The following DMD variants were observed in gnomAD, a reference collection of about 807,000 sequenced individuals.
The protein encoded by DMD is dystrophin.
A neutral mutation model predicts 330.1 loss-of-function variants in DMD; 63 were observed. That is an observed-to-expected ratio of 0.19 (90% confidence interval 0.16 to 0.24). The LOEUF is 0.24. DMD is among the 10% of genes least tolerant of loss of function. The pLI, the probability that DMD is intolerant of heterozygous loss-of-function variation, is 1.00. For synonymous variants in DMD, 1,223 were observed against 959.8 expected (o/e 1.27, Z -5.07); for missense variants, 3,344 against 2,684.1 (o/e 1.25, Z -5.43).
chrX:31,813,826 T>C (rs1459307024), intron 50 of DMD, among the ~76,000 whole-genome samples: 1 of 111,503 alleles, frequency 9.0e-6, no homozygotes, highest in African/African-American at 3.3e-5. Flanking sequence ...CTTCATGGTT[T>C]ATAGGAAGGC....
intron 43 of DMD, among the ~76,000 whole-genome samples, chrX:32,284,399 C>T (rs778491302): frequency 8.9e-6 from 1 of 111,744 alleles, no homozygotes; most frequent in South Asian, 3.7e-4. Flanking sequence ...GACTGTGAAG[C>T]TCTTCAAAGC....
At chrX:32,783,148 CCATAT>C (rs2074983493) in intron 7 of DMD, among the ~76,000 whole-genome samples, 1 of 93,984 alleles carries the variant, frequency 1.1e-5, no homozygotes, top group African/African-American at 3.8e-5. Context: ...TATATATATA[CCATAT>C]ATATAGATAT....
chrX:32,475,368 AT>A (rs750604093), intron 21 of DMD, among the ~76,000 whole-genome samples: 8 of 109,688 alleles, frequency 7.3e-5, no homozygotes, highest in South Asian at 3.9e-4. Context: ...TAATTTTAGA[AT>A]TTTTTTTCTA....
chrX:31,382,491 C>T (rs890911170), intron 60 of DMD, among the ~76,000 whole-genome samples: 5 of 111,674 alleles, frequency 4.5e-5, no homozygotes, highest in Non-Finnish European at 9.4e-5. Flanking sequence ...TGGTGCTATC[C>T]CCAAACCACC....
intron 11 of DMD, among the ~76,000 whole-genome samples, chrX:32,627,550 G>A (rs1602294052): frequency 9.0e-6 from 1 of 110,662 alleles, no homozygotes; most frequent in African/African-American, 3.3e-5. Flanking sequence ...ATTTACAGGT[G>A]GGGAAACAAA....
At chrX:32,796,791 C>T (rs1260707109) in intron 7 of DMD, among the ~76,000 whole-genome samples, 1 of 111,727 alleles carries the variant, frequency 9.0e-6, no homozygotes, top group African/African-American at 3.3e-5. Context: ...TAGCTTATTG[C>T]TTTAAAATAA....
chrX:31,656,358 T>C (rs781040567), intron 54 of DMD, among the ~76,000 whole-genome samples: 1 of 112,004 alleles, frequency 8.9e-6, no homozygotes. Flanking sequence ...AACAATTTTT[T>C]AAAAAACTGA....
chrX:31,354,044 T>C (rs1569531593), intron 60 of DMD, among the ~76,000 whole-genome samples: 1 of 112,118 alleles, frequency 8.9e-6, no homozygotes, highest in East Asian at 2.8e-4. Flanking sequence ...GGGTCTATTC[T>C]TCAGAACTAT....
intron 44 of DMD, among the ~76,000 whole-genome samples, chrX:32,077,926 T>G (rs952392124): frequency 4.5e-5 from 5 of 111,246 alleles, no homozygotes; most frequent in African/African-American, 1.6e-4. Context: ...TGGTATTCTA[T>G]ATTGGATGTC....
chrX:32,631,381 T>C (rs1173797565), intron 11 of DMD, among the ~76,000 whole-genome samples: 1 of 111,750 alleles, frequency 8.9e-6, no homozygotes, highest in Non-Finnish European at 1.9e-5. Context: ...AATCGGCAGG[T>C]GGCAAATCCA....
At chrX:32,783,248 A>ATACGTATATACACATATGTGTG in intron 7 of DMD, among the ~76,000 whole-genome samples, 1 of 100,251 alleles carries the variant, frequency 1.0e-5, no homozygotes, top group African/African-American at 3.6e-5. Context: ...ACATATGTGT[A>ATACGTATATACACATATGTGTG]TATACGTATA....
chrX:33,155,775 A>G (rs1603363457), intron 1 of DMD, among the ~76,000 whole-genome samples: 1 of 108,945 alleles, frequency 9.2e-6, no homozygotes, highest in African/African-American at 3.4e-5. Flanking sequence ...CCTGGGCAAC[A>G]CAGGGAGATG....
intron 6 of DMD, among the ~76,000 whole-genome samples, chrX:32,812,187 T>G: frequency 9.0e-6 from 1 of 111,631 alleles, no homozygotes; most frequent in Non-Finnish European, 1.9e-5. Flanking sequence ...TCCATATCTG[T>G]GAACAGAGTC....
intron 7 of DMD, among the ~76,000 whole-genome samples, chrX:32,753,205 A>G (rs1212551083): frequency 8.9e-6 from 1 of 111,754 alleles, no homozygotes; most frequent in African/African-American, 3.3e-5. Flanking sequence ...TCCCTGATTT[A>G]CTATTTTTAT....
At chrX:32,659,306 A>G (rs753646782) in intron 9 of DMD, among the ~76,000 whole-genome samples, 37 of 111,704 alleles carry the variant, frequency 3.3e-4, no homozygotes, top group African/African-American at 1.1e-3. Context: ...TATGTTACAT[A>G]CCTTTGTCTC....
chrX:32,817,001 T>TA (rs1433459782), intron 5 of DMD, among the ~76,000 whole-genome samples: 2 of 112,033 alleles, frequency 1.8e-5, no homozygotes, highest in East Asian at 5.6e-4. Context: ...ACTTAAGATA[T>TA]AAAAGCGCTT....
intron 12 of DMD, among the ~76,000 whole-genome samples, chrX:32,612,644 G>A (rs1218740373): frequency 9.0e-6 from 1 of 111,230 alleles, no homozygotes; most frequent in Non-Finnish European, 1.9e-5. Flanking sequence ...AGAAGCAAAT[G>A]TGCCACATCG....
chrX:31,879,773 G>T (rs2094030532), intron 47 of DMD, among the ~76,000 whole-genome samples: 1 of 111,795 alleles, frequency 8.9e-6, no homozygotes, highest in African/African-American at 3.2e-5. Context: ...TATAACAGGT[G>T]TGAGTAATGT....
intron 13 of DMD, among the ~76,000 whole-genome samples, chrX:32,594,684 T>A (rs2055322458): frequency 9.0e-6 from 1 of 111,498 alleles, no homozygotes; most frequent in African/African-American, 3.3e-5. Context: ...TTATCAATCT[T>A]TTAATACTTT....
Sources: gnomAD v4.1 joint callset for allele counts (sites outside exome capture counted in the v4.1 genomes callset) on GRCh38, gnomAD v4.1.1 for gene constraint, MANE v1.5 for transcripts, NCBI Gene and HGNC (gene_info 2026-07-23, HGNC 2026-07-21) for gene names.